Variants in NRXN1 observed in about 807,000 individuals in gnomAD.
NRXN1 encodes the protein neurexin 1, also known as neurexin-1.
Under a neutral mutation model 150.9 loss-of-function variants are expected in NRXN1, and 39 were observed. The observed-to-expected ratio is 0.26, with a 90% CI of 0.20 to 0.34. NRXN1 has a LOEUF of 0.34. Ranked by LOEUF, NRXN1 falls within the 10% of genes least tolerant of loss-of-function variation. NRXN1 has a pLI of 1.00. For missense variants in NRXN1, 1,815 were observed against 1,949.9 expected (o/e 0.93, Z 1.30); for synonymous variants, 924 against 757.0 (o/e 1.22, Z -3.62).
At chr2:50,451,687 T>A (rs924818240) in intron 17 of NRXN1, among the ~76,000 whole-genome samples, 1 of 152,234 alleles carries the variant, frequency 6.6e-6, no homozygotes, top group Non-Finnish European at 1.5e-5. Flanking sequence ...TATTCAATAC[T>A]GAGATATTTC....
At chr2:50,966,713 T>C (rs1694160868) in intron 2 of NRXN1, among the ~76,000 whole-genome samples, 1 of 151,856 alleles carries the variant, frequency 6.6e-6, no homozygotes, top group South Asian at 2.1e-4. Flanking sequence ...GCAAATGTTG[T>C]ATGGGTAGAT....
At chr2:50,002,241 A>G (rs1684075664) in intron 21 of NRXN1, among the ~76,000 whole-genome samples, 1 of 152,118 alleles carries the variant, frequency 6.6e-6, no homozygotes, top group Non-Finnish European at 1.5e-5. Context: ...CATTCATTAC[A>G]CAGCATAGAA....
chr2:50,137,768 G>A (rs1202236585), intron 18 of NRXN1, among the ~76,000 whole-genome samples: 1 of 152,166 alleles, frequency 6.6e-6, no homozygotes, highest in Non-Finnish European at 1.5e-5. Context: ...ATGGTAGGAT[G>A]TTTGTGAAAT....
At chr2:49,954,607 ATC>A (rs764784336) in intron 21 of NRXN1, among the ~76,000 whole-genome samples, 9 of 152,180 alleles carry the variant, frequency 5.9e-5, no homozygotes, top group Non-Finnish European at 1.2e-4. Context: ...GAAAGACTGA[ATC>A]TCTAAGTGTA....
chr2:50,416,348 C>T (rs2083538588), intron 17 of NRXN1, among the ~76,000 whole-genome samples: 1 of 151,930 alleles, frequency 6.6e-6, no homozygotes, highest in African/African-American at 2.4e-5. Flanking sequence ...GCAAAGAAAG[C>T]TGAGAAACAC....
intron 5 of NRXN1, among the ~76,000 whole-genome samples, chr2:50,894,609 A>G (rs936355330): frequency 4.6e-5 from 7 of 152,150 alleles, no homozygotes; most frequent in South Asian, 2.1e-4. Flanking sequence ...TCTACTGAAC[A>G]TGAAAAACAT....
At chr2:50,901,933 T>G (rs1023909118) in intron 5 of NRXN1, among the ~76,000 whole-genome samples, 2 of 152,212 alleles carry the variant, frequency 1.3e-5, no homozygotes, top group Admixed American at 1.3e-4. Flanking sequence ...ACTAAGGAGT[T>G]AAATAACCTC....
rs117187840 is a variant in NRXN1 at position 50,795,901 on chromosome 2, T to G, written c.832+125968A>C. On this transcript the variant is annotated intron_variant, in intron 5 of 22. Transcript: ENST00000401669. ...TGATTGGCTCACAATCAGTGCATAA[T>G]AAATATTATTAGCCCAATAATGTAC... Among the ~76,000 whole-genome samples the G allele has an allele frequency of 1.4e-4, 21 of 152,098 alleles. No individual in the cohort carries two copies. The East Asian group carries it at 4.1e-3, about 29-fold the overall frequency.
intron 5 of NRXN1, among the ~76,000 whole-genome samples, chr2:50,778,149 C>T (rs994901942): frequency 6.6e-6 from 1 of 152,032 alleles, no homozygotes; most frequent in Non-Finnish European, 1.5e-5. Flanking sequence ...GCATCAGAAG[C>T]AGCTGCCACT....
intron 5 of NRXN1, among the ~76,000 whole-genome samples, chr2:50,883,694 T>C (rs1400944313): frequency 1.3e-5 from 2 of 151,842 alleles, no homozygotes; most frequent in African/African-American, 4.8e-5. Flanking sequence ...TATTTACAAG[T>C]ATGATTACTC....
At chr2:50,519,753 A>T (rs1447189436) in intron 12 of NRXN1, among the ~76,000 whole-genome samples, 3 of 151,856 alleles carry the variant, frequency 2.0e-5, no homozygotes, top group Non-Finnish European at 4.4e-5. Flanking sequence ...ATTTCTCATG[A>T]TCTTGTTCAC....
intron 12 of NRXN1, among the ~76,000 whole-genome samples, chr2:50,513,102 TA>T (rs1266668001): frequency 6.6e-6 from 1 of 152,196 alleles, no homozygotes; most frequent in Non-Finnish European, 1.5e-5. Flanking sequence ...TGTGAGATAA[TA>T]ATGCCTACCT....
intron 21 of NRXN1, among the ~76,000 whole-genome samples, chr2:49,959,689 A>G (rs555384230): frequency 6.6e-6 from 1 of 152,354 alleles, no homozygotes; most frequent in African/African-American, 2.4e-5. Context: ...CAGTAGTTGT[A>G]GGGATTAAGA....
At chr2:50,552,444 A>G (rs979209311) in intron 9 of NRXN1, 143 bp downstream of exon 9, 2 of 647,406 alleles carry the variant, frequency 3.1e-6, no homozygotes, top group Non-Finnish European at 5.5e-6. Context: ...GGTGTGAAAC[A>G]GAAGCAATAT....
At chr2:50,503,264 C>T (rs993780023) in intron 13 of NRXN1, among the ~76,000 whole-genome samples, 3 of 150,894 alleles carry the variant, frequency 2.0e-5, no homozygotes, top group Admixed American at 2.0e-4. Context: ...GCTGAGATCA[C>T]TCCACTGCAC....
chr2:50,165,731 G>T (rs1160729067), intron 18 of NRXN1, among the ~76,000 whole-genome samples: 3 of 152,138 alleles, frequency 2.0e-5, no homozygotes, highest in South Asian at 2.1e-4. Context: ...CTACCTCACA[G>T]GGCTTTTATG....
chr2:50,207,504 T>C (rs1251540856), intron 18 of NRXN1: 1 of 154,006 alleles, frequency 6.5e-6, no homozygotes, highest in Non-Finnish European at 1.5e-5. Context: ...CTTAATCTTC[T>C]TAAAGGAATT....
intron 17 of NRXN1, among the ~76,000 whole-genome samples, chr2:50,401,027 G>A (rs1217695306): frequency 2.6e-5 from 4 of 152,222 alleles, no homozygotes; most frequent in African/African-American, 9.6e-5. Context: ...ATGAAATATT[G>A]TGGACCTTTT....
intron 17 of NRXN1, among the ~76,000 whole-genome samples, chr2:50,239,706 A>G (rs1255957384): frequency 2.1e-5 from 2 of 96,184 alleles, no homozygotes; most frequent in South Asian, 3.1e-4. Context: ...ATATATATAT[A>G]TATATATATT....
Sources: gnomAD v4.1 joint callset for allele counts (sites outside exome capture counted in the v4.1 genomes callset) on GRCh38, gnomAD v4.1.1 for gene constraint, MANE v1.5 for transcripts, NCBI Gene and HGNC (gene_info 2026-07-23, HGNC 2026-07-21) for gene names.